Variants in KAZN observed in about 807,000 individuals in gnomAD.
KAZN encodes kazrin, periplakin interacting protein, also known as kazrin.
KAZN carries 40 observed loss-of-function variants against 87.4 expected under a neutral mutation model. The observed-to-expected ratio is 0.46, with a 90% CI of 0.36 to 0.60. The LOEUF (loss-of-function observed/expected upper bound fraction) is 0.60, where lower values mean the gene tolerates loss of function less well. Ranked by LOEUF, KAZN falls within the 20% of genes least tolerant of loss-of-function variation. KAZN has a pLI of 0.00. For synonymous variants in KAZN, 466 were observed against 458.3 expected (o/e 1.02, Z -0.22); for missense variants, 898 against 1,073.9 (o/e 0.84, Z 2.29).
intron 1 of KAZN, among the ~76,000 whole-genome samples, chr1:14,107,603 A>T (rs926209824): frequency 7.9e-5 from 12 of 152,194 alleles, no homozygotes; most frequent in African/African-American, 2.9e-4. Flanking sequence ...GTGGGTTTCC[A>T]TACAAGGCCA....
chr1:14,965,779 G>A (rs1469303771), intron 2 of KAZN, among the ~76,000 whole-genome samples: 1 of 151,916 alleles, frequency 6.6e-6, no homozygotes, highest in Non-Finnish European at 1.5e-5. Flanking sequence ...AAGCTCTTTG[G>A]CCTGAGGACC....
rs77289004 is a variant in KAZN, at chr1:13,981,397, A to G, written c.91+87641A>G. ...ATATTGATATTTTAATATTACAGTG[A>G]GCTGGCCTTAGAAGTTCCATGATGT... On this transcript the variant is annotated intron_variant, in intron 1 of 16. Coordinates refer to the KAZN transcript ENST00000636203. Among the ~76,000 whole-genome samples, 957 of 151,522 alleles carry G rather than the reference A, an allele frequency of 6.3e-3. 9 individuals carry two copies. Among genetic ancestry groups the G allele is most frequent in the African/African-American group, 0.022 (928 of 41,358 alleles).
chr1:14,588,515 C>T (rs1308120768), intron 2 of KAZN, among the ~76,000 whole-genome samples: 5 of 152,210 alleles, frequency 3.3e-5, no homozygotes, highest in Non-Finnish European at 7.3e-5. Flanking sequence ...GCTTAGCTTC[C>T]GAAGGGAACT....
intron 2 of KAZN, among the ~76,000 whole-genome samples, chr1:14,280,084 C>T (rs1000264051): frequency 6.6e-6 from 1 of 152,000 alleles, no homozygotes; most frequent in African/African-American, 2.4e-5. Context: ...AGGTTGCGGC[C>T]GGGCGCGGTG....
intron 1 of KAZN, among the ~76,000 whole-genome samples, chr1:14,151,560 G>A (rs562675925): frequency 1.3e-5 from 2 of 152,250 alleles, no homozygotes; most frequent in African/African-American, 4.8e-5. Context: ...TAGGCACTCT[G>A]GAAACGGATA....
At chr1:14,274,948 G>T (rs1375050590) in intron 2 of KAZN, among the ~76,000 whole-genome samples, 2 of 151,816 alleles carry the variant, frequency 1.3e-5, no homozygotes, top group Non-Finnish European at 1.5e-5. Flanking sequence ...AGAAAAGTTA[G>T]CATGAAATGT....
intron 2 of KAZN, among the ~76,000 whole-genome samples, chr1:14,498,424 G>T (rs945861634): frequency 5.9e-5 from 9 of 152,344 alleles, no homozygotes; most frequent in East Asian, 1.9e-4. Flanking sequence ...AGGCACGATG[G>T]CTCATGCCTA....
intron 2 of KAZN, chr1:14,221,838 T>C (rs1276862027): frequency 3.3e-5 from 5 of 152,184 alleles, no homozygotes; most frequent in African/African-American, 1.2e-4. Flanking sequence ...TTAAATCTGA[T>C]GGTGAAACAT....
intron 1 of KAZN, among the ~76,000 whole-genome samples, chr1:14,071,922 G>A (rs1188234671): frequency 3.3e-5 from 5 of 152,174 alleles, no homozygotes; most frequent in Non-Finnish European, 7.3e-5. Flanking sequence ...AGACCCTCAG[G>A]ATCTTCCTGA....
At chr1:14,610,619 C>T (rs1224281891) in intron 1 of KAZN, among the ~76,000 whole-genome samples, 1 of 152,104 alleles carries the variant, frequency 6.6e-6, no homozygotes, top group Admixed American at 6.5e-5. Context: ...TCAGGAATTA[C>T]ACCAGGAGAA....
At chr1:14,616,558 G>A (rs746924084) in intron 1 of KAZN, among the ~76,000 whole-genome samples, 1 of 152,030 alleles carries the variant, frequency 6.6e-6, no homozygotes, top group Non-Finnish European at 1.5e-5. Flanking sequence ...GTAAATAAAG[G>A]TGAGGGCTGG....
At chr1:14,001,526 A>G (rs1311306474) in intron 1 of KAZN, among the ~76,000 whole-genome samples, 2 of 152,222 alleles carry the variant, frequency 1.3e-5, no homozygotes, top group Non-Finnish European at 2.9e-5. Flanking sequence ...ATGGAATCAA[A>G]GAAGACCCCA....
At chr1:14,779,341 C>A (rs955843957) in intron 1 of KAZN, among the ~76,000 whole-genome samples, 1 of 152,184 alleles carries the variant, frequency 6.6e-6, no homozygotes, top group Non-Finnish European at 1.5e-5. Flanking sequence ...GTGGGCCCCC[C>A]GGCTTCCCTC....
chr1:14,470,817 C>T (rs60212092), intron 2 of KAZN, among the ~76,000 whole-genome samples: 7,030 of 152,210 alleles, frequency 0.046, 563 homozygotes, highest in African/African-American at 0.16. Flanking sequence ...CCATGACTCT[C>T]GGCTTTGGGT....
intron 1 of KAZN, among the ~76,000 whole-genome samples, chr1:14,852,020 C>T (rs1026606697): frequency 6.6e-6 from 1 of 152,176 alleles, no homozygotes; most frequent in Non-Finnish European, 1.5e-5. Flanking sequence ...TATCTCAGCT[C>T]CTCCCATTCC....
chr1:14,568,979 C>T (rs1674699274), intron 2 of KAZN, among the ~76,000 whole-genome samples: 1 of 152,196 alleles, frequency 6.6e-6, no homozygotes, highest in African/African-American at 2.4e-5. Flanking sequence ...AACCCCAGCA[C>T]TCCATTCGGT....
intron 4 of KAZN, among the ~76,000 whole-genome samples, chr1:15,047,686 G>A (rs998896704): frequency 1.3e-4 from 20 of 151,998 alleles, no homozygotes; most frequent in African/African-American, 3.4e-4. Flanking sequence ...CAGGACAATC[G>A]CTTGAACCCA....
intron 1 of KAZN, among the ~76,000 whole-genome samples, chr1:13,925,744 A>G (rs1405646336): frequency 2.0e-5 from 3 of 152,236 alleles, no homozygotes; most frequent in Non-Finnish European, 4.4e-5. Flanking sequence ...CTCTCTGGCC[A>G]GCGGTTGAAA....
chr1:13,958,317 T>A (rs1570387325), intron 1 of KAZN, among the ~76,000 whole-genome samples: 1 of 152,152 alleles, frequency 6.6e-6, no homozygotes, highest in East Asian at 1.9e-4. Flanking sequence ...ACGCCTGTAA[T>A]CCCAGCACTT....
Sources: allele counts gnomAD v4.1 joint callset (sites outside exome capture counted in the v4.1 genomes callset), GRCh38; gene constraint gnomAD v4.1.1; transcripts MANE v1.5; gene names NCBI Gene and HGNC (gene_info 2026-07-23, HGNC 2026-07-21).